The following DNER variants were observed in gnomAD, a reference collection of about 807,000 sequenced individuals.
DNER encodes the protein delta and Notch-like epidermal growth factor-related receptor.
Under a neutral mutation model 78.2 loss-of-function variants are expected in DNER, and 33 were observed. The ratio of observed to expected loss-of-function variants is 0.42; its 90% CI spans 0.32 to 0.56. DNER has a LOEUF of 0.56. DNER is among the 20% of genes least tolerant of loss of function. The pLI is 0.11. For synonymous variants in DNER, 417 were observed against 384.8 expected (o/e 1.08, Z -0.98); for missense variants, 918 against 975.3 (o/e 0.94, Z 0.78).
chr2:229,538,216 TCAC>T (rs1265250986), intron 5 of DNER, among the ~76,000 whole-genome samples: 2 of 152,236 alleles, frequency 1.3e-5, no homozygotes, highest in South Asian at 4.1e-4. Context: ...GTGGAAGAGA[TCAC>T]CCTGCTATTA....
intron 4 of DNER, among the ~76,000 whole-genome samples, 198 bp from the exon 5 acceptor site, chr2:229,547,290 A>G (rs897379675): frequency 6.6e-6 from 1 of 152,216 alleles, no homozygotes; most frequent in African/African-American, 2.4e-5. Context: ...ACTTTAGGGC[A>G]GGCTGGTCCT....
rs117592449 is a variant in DNER, at chr2:229,544,964, T to C, written c.993+1983A>G. Reference sequence around the variant, plus strand: ...CTGTTAGTCCCCCTCCTCACACTTATCAAAGTCCACTAGTACCCAATGTGC... The same window carrying C: ...CTGTTAGTCCCCCTCCTCACACTTACCAAAGTCCACTAGTACCCAATGTGC... On this transcript the variant is annotated intron_variant, in intron 5 of 12. Transcript: ENST00000341772. 3.1e-3 allele frequency among the ~76,000 whole-genome samples: 473 copies of C among 152,270 alleles called. 17 individuals carry two copies. The East Asian group carries it at 0.073, about 23-fold the overall frequency.
chr2:229,588,247 C>T (rs1011071472), intron 3 of DNER, 147 bp downstream of exon 3: 37 of 680,510 alleles, frequency 5.4e-5, no homozygotes, highest in Non-Finnish European at 8.8e-5. Flanking sequence ...CTCTAGTTTT[C>T]AAATGGCAGG....
At chr2:229,689,183 C>G (rs1699530026) in intron 1 of DNER, among the ~76,000 whole-genome samples, 1 of 152,108 alleles carries the variant, frequency 6.6e-6, no homozygotes, top group African/African-American at 2.4e-5. Context: ...AAGTTTATGC[C>G]TATACGTTTA....
intron 2 of DNER, among the ~76,000 whole-genome samples, chr2:229,590,273 A>T (rs1462116017): frequency 6.6e-6 from 1 of 152,194 alleles, no homozygotes; most frequent in African/African-American, 2.4e-5. Context: ...TTGAAGATAA[A>T]ACAGCCAAAC....
intron 11 of DNER, among the ~76,000 whole-genome samples, chr2:229,385,816 G>C (rs770170091): frequency 6.6e-6 from 1 of 152,028 alleles, no homozygotes; most frequent in African/African-American, 2.4e-5. Flanking sequence ...AAGGAAATAA[G>C]AGAAGACACA....
chr2:229,563,654 C>A (rs111209773), intron 4 of DNER, among the ~76,000 whole-genome samples: 3,161 of 145,604 alleles, frequency 0.022, 123 homozygotes, highest in African/African-American at 0.078. Flanking sequence ...ATCATCATCA[C>A]CCCATCACCA....
At chr2:229,427,256 C>T (rs1693898398) in intron 8 of DNER, among the ~76,000 whole-genome samples, 1 of 152,202 alleles carries the variant, frequency 6.6e-6, no homozygotes, top group Admixed American at 6.5e-5. Flanking sequence ...CTGTTCACAC[C>T]ATGAGTTTAT....
chr2:229,458,195 A>T (rs2154210744), intron 7 of DNER, among the ~76,000 whole-genome samples: 1 of 149,668 alleles, frequency 6.7e-6, no homozygotes, highest in Non-Finnish European at 1.5e-5. Flanking sequence ...ATACATTGTG[A>T]AAAAGAAAGC....
intron 1 of DNER, among the ~76,000 whole-genome samples, chr2:229,642,620 G>A (rs1271040897): frequency 1.3e-5 from 2 of 152,226 alleles, no homozygotes; most frequent in Non-Finnish European, 2.9e-5. Context: ...AGTCACGGAA[G>A]TGGCAGGGCC....
chr2:229,398,611 AAC>A (rs1693201140), intron 10 of DNER, among the ~76,000 whole-genome samples: 1 of 152,116 alleles, frequency 6.6e-6, no homozygotes, highest in Non-Finnish European at 1.5e-5. Context: ...TTTCTCACAA[AAC>A]ACAAAATTGT....
At chr2:229,538,854 C>T (rs1432098001) in intron 5 of DNER, among the ~76,000 whole-genome samples, 1 of 152,128 alleles carries the variant, frequency 6.6e-6, no homozygotes, top group Non-Finnish European at 1.5e-5. Context: ...AAAATAATTT[C>T]TTATAATAAA....
At chr2:229,502,383 C>T (rs116290158) in intron 6 of DNER, among the ~76,000 whole-genome samples, 29 of 152,172 alleles carry the variant, frequency 1.9e-4, no homozygotes, top group Non-Finnish European at 3.4e-4. Flanking sequence ...AACCTAGATA[C>T]GTTCCTCTTG....
At chr2:229,606,614 C>T (rs1296804417) in intron 1 of DNER, among the ~76,000 whole-genome samples, 1 of 152,152 alleles carries the variant, frequency 6.6e-6, no homozygotes, top group African/African-American at 2.4e-5. Flanking sequence ...TGTTTAGGGC[C>T]AGGCGCAGTG....
intron 12 of DNER, 71 bp from the exon 13 acceptor site, chr2:229,358,722 G>A (rs927485718): frequency 4.6e-6 from 6 of 1,302,122 alleles, no homozygotes; most frequent in African/African-American, 4.4e-5. Context: ...CAAGTGATGA[G>A]AATAATTTAT....
intron 10 of DNER, among the ~76,000 whole-genome samples, chr2:229,402,543 T>C (rs1325004474): frequency 6.6e-6 from 1 of 152,136 alleles, no homozygotes; most frequent in Non-Finnish European, 1.5e-5. Context: ...GAGAAAGATA[T>C]AGTAACATCA....
chr2:229,393,068 AT>A (rs1222248478), intron 10 of DNER, among the ~76,000 whole-genome samples: 1 of 152,206 alleles, frequency 6.6e-6, no homozygotes, highest in African/African-American at 2.4e-5. Flanking sequence ...AACATGGAAA[AT>A]AAAAAACAAG....
At chr2:229,527,662 A>G (rs1308366449) in intron 5 of DNER, among the ~76,000 whole-genome samples, 1 of 152,194 alleles carries the variant, frequency 6.6e-6, no homozygotes, top group Non-Finnish European at 1.5e-5. Context: ...GATTGTATCA[A>G]TGTTTGAGTT....
intron 1 of DNER, among the ~76,000 whole-genome samples, chr2:229,702,984 T>C (rs1254513819): frequency 6.6e-6 from 1 of 151,338 alleles, no homozygotes; most frequent in Non-Finnish European, 1.5e-5. Flanking sequence ...TTTTGGAGGA[T>C]TCTTGTCATC....
Sources: allele counts gnomAD v4.1 joint callset (sites outside exome capture counted in the v4.1 genomes callset), GRCh38; gene constraint gnomAD v4.1.1; transcripts MANE v1.5; gene names NCBI Gene and HGNC (gene_info 2026-07-23, HGNC 2026-07-21).